The following SPATS2 variants were observed in gnomAD, a reference collection of about 807,000 sequenced individuals.
The protein encoded by SPATS2 is spermatogenesis associated serine rich 2.
In SPATS2, 38 loss-of-function variants were observed where a neutral mutation model predicts 63.7. The ratio of observed to expected loss-of-function variants is 0.60; its 90% confidence interval spans 0.46 to 0.78. The LOEUF is 0.78. Ranked by LOEUF, SPATS2 falls within the 30% of genes least tolerant of loss-of-function variation. The pLI is 0.00. For missense variants in SPATS2, 588 were observed against 666.2 expected (o/e 0.88, Z 1.29); for synonymous variants, 207 against 232.9 (o/e 0.89, Z 1.01).
At chr12:49,494,309 A>G (rs1253159702) in intron 6 of SPATS2, among the ~76,000 whole-genome samples, 1 of 152,224 alleles carries the variant, frequency 6.6e-6, no homozygotes, top group Non-Finnish European at 1.5e-5. Context: ...ATTGCAGTGC[A>G]GTTTTAATTT....
At chr12:49,523,468 G>A (rs1418081261) in intron 12 of SPATS2, among the ~76,000 whole-genome samples, 1 of 152,034 alleles carries the variant, frequency 6.6e-6, no homozygotes, top group African/African-American at 2.4e-5. Context: ...ACTCCAACCT[G>A]GGCACCAGAG....
intron 2 of SPATS2, among the ~76,000 whole-genome samples, chr12:49,458,937 A>C (rs1474347661): frequency 6.6e-6 from 1 of 152,082 alleles, no homozygotes; most frequent in African/African-American, 2.4e-5. Flanking sequence ...ATTCCTTTGC[A>C]CTTCCCTCCT....
intron 3 of SPATS2, among the ~76,000 whole-genome samples, chr12:49,471,211 A>G (rs766889074): frequency 7.9e-5 from 12 of 152,248 alleles, no homozygotes; most frequent in Non-Finnish European, 1.2e-4. Flanking sequence ...GTCTAGCAGA[A>G]TGAAGCACTC....
chr12:49,467,722 G>A (rs12322319), intron 3 of SPATS2, among the ~76,000 whole-genome samples: 28,340 of 151,270 alleles, frequency 0.19, 3,634 homozygotes, highest in African/African-American at 0.37. Flanking sequence ...TTTTTGAGAC[G>A]GAGTCTCGCT....
intron 9 of SPATS2, among the ~76,000 whole-genome samples, chr12:49,505,001 C>T (rs753552302): frequency 9.2e-5 from 14 of 151,598 alleles, no homozygotes; most frequent in Admixed American, 2.0e-4. Flanking sequence ...TGGGCTCAAG[C>T]GGTCCTCCTG....
At chr12:49,486,828 A>T (rs1056898031) in intron 4 of SPATS2, among the ~76,000 whole-genome samples, 5 of 151,882 alleles carry the variant, frequency 3.3e-5, no homozygotes, top group Non-Finnish European at 5.9e-5. Context: ...TCTAGGAGCT[A>T]GGTGTGCTTA....
intron 6 of SPATS2, among the ~76,000 whole-genome samples, chr12:49,494,441 T>G (rs1343403228): frequency 1.3e-5 from 2 of 152,226 alleles, no homozygotes; most frequent in Non-Finnish European, 2.9e-5. Flanking sequence ...TCTTTGACTA[T>G]AAGCTGCACA....
At chr12:49,441,338 A>G (rs1283983462) in intron 2 of SPATS2, among the ~76,000 whole-genome samples, 1 of 152,190 alleles carries the variant, frequency 6.6e-6, no homozygotes, top group Non-Finnish European at 1.5e-5. Flanking sequence ...ACCATAATCC[A>G]TCAAGTATCT....
intron 12 of SPATS2, among the ~76,000 whole-genome samples, chr12:49,523,813 G>A (rs1388847732): frequency 2.0e-5 from 3 of 152,118 alleles, no homozygotes; most frequent in African/African-American, 7.2e-5. Context: ...TTAGCCAGGA[G>A]TGGTGGTGGG....
At chr12:49,376,158 G>A (rs1446056000) in intron 2 of SPATS2, among the ~76,000 whole-genome samples, 1 of 141,398 alleles carries the variant, frequency 7.1e-6, no homozygotes, top group Non-Finnish European at 1.5e-5. Context: ...CTGGAGTGCA[G>A]TGGTGCAATC....
At position 49,484,657 on chromosome 12, in the gene SPATS2, C is replaced by A; in HGVS notation, c.93C>A (p.Asn31Lys). Reference sequence around the variant, plus strand: ...TGGCCCAGGGAGGAGCTTTTGAGAACATGAAAGAGAAGGTAAGACTAGTCA... The same window carrying A: ...TGGCCCAGGGAGGAGCTTTTGAGAAAATGAAAGAGAAGGTAAGACTAGTCA... ...TVLAQGGAFE[N>K]MKEKINAVRA... The change falls in exon 4 of 14, where the codon AAC (asparagine) becomes AAA (lysine). Residue 31 changes from asparagine (N) to lysine (K), a missense_variant. By Grantham distance (94) the Asn-to-Lys change is moderately conservative. Transcript: ENST00000552918. 1 of 1,613,858 alleles carries A rather than the reference C, an allele frequency of 6.2e-7. No homozygotes were observed. The highest frequency in any genetic ancestry group is 8.5e-7 in the Non-Finnish European group (1 of 1,179,890).
intron 2 of SPATS2, among the ~76,000 whole-genome samples, chr12:49,412,813 A>G (rs1326100271): frequency 2.6e-5 from 4 of 152,142 alleles, no homozygotes; most frequent in African/African-American, 9.7e-5. Flanking sequence ...TTAGATTCAA[A>G]TAATATTTAA....
intron 2 of SPATS2, among the ~76,000 whole-genome samples, chr12:49,394,528 C>G (rs1022570000): frequency 6.6e-6 from 1 of 151,770 alleles, no homozygotes; most frequent in Admixed American, 6.6e-5. Flanking sequence ...TAATATCTCT[C>G]CATGATGTGT....
intron 2 of SPATS2, among the ~76,000 whole-genome samples, chr12:49,423,270 C>G (rs1488794907): frequency 1.3e-5 from 2 of 151,738 alleles, no homozygotes; most frequent in African/African-American, 4.8e-5. Context: ...GTAGCCAGGA[C>G]TACAGGCACG....
rs186109545 is a variant in SPATS2, at chr12:49,383,689, A to T, written c.-244+12399A>T. ...AGTGTTGCGCTTATAGACATGAGCC[A>T]TCTTGCCCGACCCACTTTATTCTTC... On this transcript the variant is annotated intron_variant, in intron 2 of 13. Coordinates refer to ENST00000552918, the MANE Select transcript of SPATS2 (RefSeq NM_023071.4). Among the ~76,000 whole-genome samples the T allele has an allele frequency of 2.1e-4, 32 of 152,314 alleles. No homozygotes were observed. The East Asian group carries it at 5.8e-3, about 28-fold the overall frequency.
intron 10 of SPATS2, 136 bp downstream of exon 10, chr12:49,514,749 C>A: frequency 1.4e-6 from 1 of 701,638 alleles, no homozygotes; most frequent in Non-Finnish European, 2.3e-6. Context: ...AGCAGTTGCA[C>A]TGTACTGGCA....
intron 2 of SPATS2, among the ~76,000 whole-genome samples, chr12:49,450,546 G>A (rs1456671370): frequency 6.6e-6 from 1 of 151,568 alleles, no homozygotes; most frequent in Non-Finnish European, 1.5e-5. Context: ...GCCTGGCCGA[G>A]TGGAGTCTTT....
intron 2 of SPATS2, chr12:49,390,306 G>C (rs1479464744): frequency 7.0e-6 from 3 of 430,122 alleles, no homozygotes; most frequent in African/African-American, 4.0e-5. Context: ...CAACAAAAAC[G>C]CATAGTTAAT....
chr12:49,368,063 G>A (rs1943933323), intron 1 of SPATS2, among the ~76,000 whole-genome samples: 1 of 152,112 alleles, frequency 6.6e-6, no homozygotes, highest in South Asian at 2.1e-4. Flanking sequence ...GAATTGAAGG[G>A]GGAGACGAAA....
Sources: allele counts gnomAD v4.1 joint callset (sites outside exome capture counted in the v4.1 genomes callset), GRCh38; gene constraint gnomAD v4.1.1; transcripts MANE v1.5; gene names NCBI Gene and HGNC (gene_info 2026-07-23, HGNC 2026-07-21).